FOCAD: variants seen among roughly 807,000 people sequenced by gnomAD.
FOCAD encodes the protein KIAA1797.
A neutral mutation model predicts 225.6 loss-of-function variants in FOCAD; 198 were observed. That is an observed-to-expected ratio of 0.88 (90% CI 0.78 to 0.99). The LOEUF is 0.99. Ranked by LOEUF, FOCAD falls within the 50% of genes least tolerant of loss-of-function variation. FOCAD has a pLI of 0.00. For missense variants in FOCAD, 2,713 were observed against 2,123.6 expected (o/e 1.28, Z -5.46); for synonymous variants, 897 against 755.0 (o/e 1.19, Z -3.08).
chr9:20,789,800 A>G (rs911724259), intron 11 of FOCAD, among the ~76,000 whole-genome samples, 192 bp downstream of exon 11: 1 of 150,272 alleles, frequency 6.7e-6, no homozygotes, highest in African/African-American at 2.5e-5. Context: ...ATACTTAATG[A>G]TGCAAACAGT....
At chr9:20,792,510 C>G (rs1820638413) in intron 11 of FOCAD, among the ~76,000 whole-genome samples, 1 of 152,206 alleles carries the variant, frequency 6.6e-6, no homozygotes, top group Non-Finnish European at 1.5e-5. Context: ...TTGCAAAACT[C>G]AGTGCCTCTT....
At chr9:20,882,077 C>G in intron 20 of FOCAD, 21 bp downstream of exon 20, 1 of 1,582,478 alleles carries the variant, frequency 6.3e-7, no homozygotes, top group Non-Finnish European at 8.6e-7. Flanking sequence ...TACATAGTAT[C>G]AAAAATACAG....
chr9:20,721,754 G>C (rs1353763823), intron 4 of FOCAD, among the ~76,000 whole-genome samples: 1 of 152,016 alleles, frequency 6.6e-6, no homozygotes, highest in African/African-American at 2.4e-5. Flanking sequence ...AGTTGATTAG[G>C]TTAAATAACC....
intron 11 of FOCAD, among the ~76,000 whole-genome samples, chr9:20,804,423 G>C (rs1316831613): frequency 2.0e-5 from 3 of 151,992 alleles, no homozygotes; most frequent in Non-Finnish European, 4.4e-5. Flanking sequence ...GGAGGGTTCA[G>C]ACAATGGTCT....
intron 1 of FOCAD, among the ~76,000 whole-genome samples, chr9:20,713,362 C>G (rs1055834184): frequency 6.6e-6 from 1 of 152,194 alleles, no homozygotes; most frequent in African/African-American, 2.4e-5. Context: ...CTGTGACACT[C>G]TTCCGCCTAG....
chr9:20,796,414 A>G (rs1348323724), intron 11 of FOCAD, among the ~76,000 whole-genome samples: 1 of 152,200 alleles, frequency 6.6e-6, no homozygotes, highest in Non-Finnish European at 1.5e-5. Context: ...TGGTTGAACT[A>G]GTTTACAGTC....
chr9:20,738,112 TAA>T (rs1827297528), intron 4 of FOCAD, among the ~76,000 whole-genome samples: 1 of 152,202 alleles, frequency 6.6e-6, no homozygotes, highest in Non-Finnish European at 1.5e-5. Flanking sequence ...GAGTTTATTT[TAA>T]AAGTTTGGAT....
intron 35 of FOCAD, among the ~76,000 whole-genome samples, chr9:20,961,350 C>G (rs75863542): frequency 6.7e-4 from 102 of 152,240 alleles, no homozygotes; most frequent in African/African-American, 2.3e-3. Flanking sequence ...TACAAGTTGG[C>G]TCTTGTGTCC....
chr9:20,841,706 C>T (rs1826542890), intron 15 of FOCAD, among the ~76,000 whole-genome samples: 1 of 151,580 alleles, frequency 6.6e-6, no homozygotes. Flanking sequence ...AATAAAACAA[C>T]TTTTCATTTT....
chr9:20,957,690 T>TATTTATTTA (rs1445989820), intron 35 of FOCAD: 8 of 142,480 alleles, frequency 5.6e-5, no homozygotes, highest in African/African-American at 2.1e-4. Flanking sequence ...TTTTTTTTTT[T>TATTTATTTA]TTTTTTTTTT....
rs779067184 is a variant in FOCAD, at chr9:20,990,119, G to A, written c.5005-4G>A. 8 of 1,613,666 alleles carry A rather than the reference G, an allele frequency of 5.0e-6. No homozygotes were observed. Among genetic ancestry groups the A allele is most frequent in the Non-Finnish European group, 6.8e-6 (8 of 1,179,746 alleles). ...ACCTAACGTCATTTCTATTTTCATC[G>A]TAGGCTTTGGACTTCTTCTTGCTGA... On this transcript the variant is annotated splice_polypyrimidine_tract_variant and splice_region_variant and intron_variant, in intron 41 of 43. Transcript: ENST00000338382.
intron 37 of FOCAD, among the ~76,000 whole-genome samples, chr9:20,978,824 T>G (rs931716048): frequency 5.3e-5 from 8 of 152,238 alleles, no homozygotes; most frequent in Non-Finnish European, 8.8e-5. Flanking sequence ...AATCCATATG[T>G]ACCGGACTTA....
intron 24 of FOCAD, among the ~76,000 whole-genome samples, chr9:20,919,746 A>C (rs1286594995): frequency 6.6e-6 from 1 of 152,166 alleles, no homozygotes; most frequent in Non-Finnish European, 1.5e-5. Context: ...TGCTGGGAAA[A>C]CTGGCTAGCC....
At chr9:20,820,498 A>G (rs1824204779) in intron 13 of FOCAD, 73 bp downstream of exon 13, 7 of 1,318,236 alleles carry the variant, frequency 5.3e-6, no homozygotes, top group Non-Finnish European at 7.6e-6. Flanking sequence ...TATGTCATAT[A>G]TGGCAATGCT....
intron 8 of FOCAD, among the ~76,000 whole-genome samples, chr9:20,774,251 A>G (rs189358095): frequency 6.6e-6 from 1 of 152,288 alleles, no homozygotes; most frequent in East Asian, 1.9e-4. Flanking sequence ...AGTTAGCTCT[A>G]AAGGCTTGAC....
At chr9:20,672,825 C>G (rs767333514) in intron 2 of FOCAD, among the ~76,000 whole-genome samples, 3 of 152,182 alleles carry the variant, frequency 2.0e-5, no homozygotes, top group Non-Finnish European at 4.4e-5. Flanking sequence ...TATTGTTTAG[C>G]TGGTTAAACA....
At chr9:20,739,382 T>C (rs1586981100) in intron 4 of FOCAD, among the ~76,000 whole-genome samples, 1 of 152,036 alleles carries the variant, frequency 6.6e-6, no homozygotes, top group East Asian at 1.9e-4. Flanking sequence ...GGCAGGCGGG[T>C]CACCTAAGGT....
chr9:20,984,272 G>A (rs1239952456), intron 39 of FOCAD, among the ~76,000 whole-genome samples: 2 of 152,146 alleles, frequency 1.3e-5, no homozygotes, highest in African/African-American at 2.4e-5. Context: ...ATCTGTAAAG[G>A]TGGGACTTTA....
intron 4 of FOCAD, among the ~76,000 whole-genome samples, chr9:20,722,019 T>G (rs1310548610): frequency 2.7e-5 from 3 of 112,298 alleles, no homozygotes; most frequent in Non-Finnish European, 5.5e-5. Flanking sequence ...CTTCCTTCCT[T>G]CCTTCTTTCC....
Sources: allele counts gnomAD v4.1 joint callset (sites outside exome capture counted in the v4.1 genomes callset), GRCh38; gene constraint gnomAD v4.1.1; transcripts MANE v1.5; gene names NCBI Gene and HGNC (gene_info 2026-07-23, HGNC 2026-07-21).